The following WHAMM variants were observed in gnomAD, a reference collection of about 807,000 sequenced individuals.
WHAMM encodes the protein WASP homolog-associated protein with actin, membranes and microtubules.
Under a neutral mutation model 76.5 loss-of-function variants are expected in WHAMM, and 67 were observed. The ratio of observed to expected loss-of-function variants is 0.88; its 90% confidence interval spans 0.72 to 1.07. The LOEUF (loss-of-function observed/expected upper bound fraction) is 1.07. WHAMM is among the 50% of genes least tolerant of loss of function. WHAMM has a pLI of 0.00. For synonymous variants in WHAMM, 419 were observed against 422.1 expected (o/e 0.99, Z 0.09); for missense variants, 1,021 against 1,051.1 (o/e 0.97, Z 0.40).
At chr15:82,816,634 C>T in intron 2 of WHAMM, 58 bp from the exon 3 acceptor site, 2 of 1,468,712 alleles carry the variant, frequency 1.4e-6, no homozygotes, top group East Asian at 5.0e-5. Context: ...TTTCAATTTC[C>T]TAATGGCTCT....
At chr15:82,820,213 A>T (rs752061645) in intron 5 of WHAMM, among the ~76,000 whole-genome samples, 1 of 152,126 alleles carries the variant, frequency 6.6e-6, no homozygotes, top group Non-Finnish European at 1.5e-5. Context: ...GTTACATGAG[A>T]TATTTTGACA....
At chr15:82,820,652 T>G (rs2151564324) in intron 5 of WHAMM, among the ~76,000 whole-genome samples, 1 of 152,236 alleles carries the variant, frequency 6.6e-6, no homozygotes, top group South Asian at 2.1e-4. Flanking sequence ...TTCAGCACTT[T>G]GGGAGGCTGA....
chr15:82,823,244 G>A lies in WHAMM; in HGVS notation c.1415G>A (p.Arg472Gln), dbSNP rs763774688. Residue 472 changes from arginine (R) to glutamine (Q), a missense_variant, in exon 6 of 10, where the codon CGG (arginine) becomes CAG (glutamine). Physicochemically the swap from Arg to Gln is conservative, Grantham distance 43. Coordinates refer to ENST00000286760, the MANE Select transcript of WHAMM (RefSeq NM_001080435.3). ...CAGTGCCAGCAGCTGGAGTCTAAAC[G>A]GGGCAGGATCTGTGCCAAAAGAGCC... ...RRQCQQLESK[R>Q]GRICAKRASL... 15 of 1,579,412 alleles carry A rather than the reference G, an allele frequency of 9.5e-6. No homozygotes were observed. Among genetic ancestry groups the A allele is most frequent in the African/African-American group, 1.4e-5 (1 of 73,956 alleles).
intron 6 of WHAMM, among the ~76,000 whole-genome samples, 171 bp downstream of exon 6, chr15:82,823,458 A>G (rs554309827): frequency 1.3e-4 from 20 of 152,196 alleles, no homozygotes; most frequent in Non-Finnish European, 2.6e-4. Flanking sequence ...TTTCTTAAAA[A>G]TATTTTTTTT....
In WHAMM at chr15:82,830,648, C is replaced by G. The variant is rs2151573400; in HGVS notation, c.1691C>G (p.Ala564Gly). 6.2e-7 allele frequency: 1 copy of G among 1,613,944 alleles called. No homozygotes were observed. The highest frequency in any genetic ancestry group is 2.2e-5 in the East Asian group (1 of 44,882). Reference sequence around the variant, plus strand: ...AACACCTCTGGCTCAGAACCTGTGGCTCCAAACCTGCCAAGTGATCTTTCC... The same window carrying G: ...AACACCTCTGGCTCAGAACCTGTGGGTCCAAACCTGCCAAGTGATCTTTCC... ...VRNTSGSEPVAPNLPSDLSQQ... is the reference protein window; with the variant it reads ...VRNTSGSEPVGPNLPSDLSQQ... The change falls in exon 9 of 10, where the codon GCT becomes GGT. Residue 564 changes from alanine (A) to glycine (G), a missense_variant. By Grantham distance (60) the Ala-to-Gly change is moderately conservative. Around this residue, in one of 3 missense-constraint regions of WHAMM, gnomAD observed 509 missense variants for 492.3 expected, o/e 1.03. Coordinates refer to ENST00000286760, the MANE Select transcript of WHAMM (RefSeq NM_001080435.3).
intron 6 of WHAMM, among the ~76,000 whole-genome samples, chr15:82,824,614 C>T (rs1242030858): frequency 6.6e-6 from 1 of 151,466 alleles, no homozygotes; most frequent in Non-Finnish European, 1.5e-5. Flanking sequence ...AGTCACAGCG[C>T]CTGGCCACAC....
chr15:82,810,507 C>G (rs2050610274), intron 1 of WHAMM, 172 bp downstream of exon 1: 1 of 985,294 alleles, frequency 1.0e-6, no homozygotes, highest in African/African-American at 1.7e-5. Context: ...CTGCGGGAAA[C>G]CGGCGGGAGC....
At position 82,829,525 on chromosome 15, in the gene WHAMM, G is replaced by A. The variant is rs1470155961; in HGVS notation, c.1642-1074G>A. ...GCATGGTCTCTGACAGAAGGCTGCAGGACGGCAGCTGCATGGCTGTGTCTG... is the reference window on the plus strand; with the variant it reads ...GCATGGTCTCTGACAGAAGGCTGCAAGACGGCAGCTGCATGGCTGTGTCTG... On this transcript the variant is annotated intron_variant, in intron 8 of 9. Coordinates refer to ENST00000286760, the MANE Select transcript of WHAMM (RefSeq NM_001080435.3). Among the ~76,000 whole-genome samples the A allele has an allele frequency of 2.6e-5, 4 of 152,246 alleles. No homozygotes were observed. In the South Asian group the frequency reaches 8.3e-4, roughly 31 times the overall value.
In WHAMM at chr15:82,826,478, G is replaced by A. The variant is rs868664083; in HGVS notation, c.1527G>A (p.Gln509=). The change falls in exon 7 of 10, where the codon CAG becomes CAA. Residue 509 remains glutamine, a synonymous_variant. Transcript: ENST00000286760. ...QAEESIRYSR[Q]HHSIQMKRDK... ...AAGAAAGCATAAGATACTCTCGTCA[G>A]CATCACAGTATTCAGATGGTGAGTC... The A allele has an allele frequency of 1.9e-6, 3 of 1,613,694 alleles. No homozygotes were observed. The Middle Eastern group carries it at 4.9e-4, about 266-fold the overall frequency.
At chr15:82,813,021 G>C (rs142835761) in intron 1 of WHAMM, 82 bp from the exon 2 acceptor site, 25,532 of 1,071,292 alleles carry the variant, frequency 0.024, 375 homozygotes, top group Non-Finnish European at 0.027. Context: ...GAACATGAAG[G>C]TTTCTTTTGT....
In WHAMM at chr15:82,810,191, G is replaced by A; in HGVS notation, c.465G>A (p.Ala155=). Residue 155 remains alanine (A), a synonymous_variant, in exon 1 of 10, where the codon GCG becomes GCA. Coordinates refer to ENST00000286760, the MANE Select transcript of WHAMM (RefSeq NM_001080435.3). ...GGCAGCTGGAACGCTATCTGGGCGC[G>A]GCGGCCGACGGCTGCGGCGGCGCCA... is the stretch of plus-strand genomic sequence containing the variant. ...LCGQLERYLG[A]AADGCGGATV... The A allele has an allele frequency of 7.1e-7, 1 of 1,404,556 alleles. No individual in the cohort carries two copies. The highest frequency in any genetic ancestry group is 3.3e-5 in the East Asian group (1 of 30,224). 87.0% of individuals were successfully genotyped at this position (1,404,556 alleles called of 1,614,324 possible). A position where few individuals can be genotyped will look rare whatever the true frequency, so the allele number is the denominator to read the frequency against.
intron 9 of WHAMM, among the ~76,000 whole-genome samples, chr15:82,831,924 T>G (rs745945391): frequency 3.9e-5 from 6 of 152,236 alleles, no homozygotes; most frequent in Non-Finnish European, 7.3e-5. Context: ...AGTTCCAAAC[T>G]GTGATTCTGG....
chr15:82,827,431 T>C (rs1438121331), intron 8 of WHAMM, among the ~76,000 whole-genome samples: 1 of 152,202 alleles, frequency 6.6e-6, no homozygotes, highest in East Asian at 1.9e-4. Flanking sequence ...ATTTGTTGAC[T>C]TTATTATTAG....
chr15:82,823,109 AT>A lies in WHAMM; in HGVS notation c.1281del (p.Asp427GlufsTer32). The A allele has an allele frequency of 3.7e-6, 5 of 1,344,430 alleles. No homozygotes were observed. The highest frequency in any genetic ancestry group is 4.8e-6 in the Non-Finnish European group (5 of 1,035,022). The allele number at this position is 1,344,430 out of a possible 1,614,324, so 83.3% of individuals were successfully genotyped here. A position where few individuals can be genotyped will look rare whatever the true frequency, so the allele number is the denominator to read the frequency against. The stretch of plus-strand genomic sequence containing the variant: ...ATTAATACATTTTTAGAAAAACAAG[AT>A]GAAGTTGTCTATTACGATCCATGTG... ...SLKRLIKEKQ[D>X]EVVYYDPCEN... On this transcript the variant is annotated frameshift_variant, in exon 6 of 10. Transcript: ENST00000286760. LOFTEE classifies it high-confidence loss of function.
intron 8 of WHAMM, 106 bp from the exon 9 acceptor site, chr15:82,830,493 A>G (rs967824597): frequency 2.0e-6 from 3 of 1,483,126 alleles, no homozygotes; most frequent in Non-Finnish European, 2.7e-6. Flanking sequence ...TGTGAATTAG[A>G]CCATCCATGC....
chr15:82,815,343 T>C (rs1202711732), intron 2 of WHAMM, among the ~76,000 whole-genome samples: 3 of 151,854 alleles, frequency 2.0e-5, no homozygotes, highest in Admixed American at 6.6e-5. Flanking sequence ...TTATTCAATA[T>C]GTGGTCCTTT....
rs2051069563 is a variant in WHAMM, at chr15:82,833,387, G to T, written c.2281G>T (p.Gly761Cys). 1 of 1,613,854 alleles carries T rather than the reference G, an allele frequency of 6.2e-7. No individual in the cohort carries two copies. The highest frequency in any genetic ancestry group is 1.1e-5 in the South Asian group (1 of 91,076). ...ACTGAAGAAAGTTCACCCTGATCTTGGCCCAAACCCCAGCAGCAAACCAAC... is the reference window on the plus strand; with the variant it reads ...ACTGAAGAAAGTTCACCCTGATCTTTGCCCAAACCCCAGCAGCAAACCAAC... The part of the protein sequence containing the change: ...VKLKKVHPDL[G>C]PNPSSKPTSN... The change falls in exon 10 of 10, where the codon GGC becomes TGC. Residue 761 changes from glycine to cysteine, a missense_variant. By Grantham distance (159) the Gly-to-Cys change is radical. Transcript: ENST00000286760.
chr15:82,823,227 G>C lies in WHAMM; in HGVS notation c.1398G>C (p.Gln466His). ...TGAAAGAACTCAGAAGGCAGTGCCA[G>C]CAGCTGGAGTCTAAACGGGGCAGGA... The part of the protein sequence containing the change: ...LEVKELRRQC[Q>H]QLESKRGRIC... The change falls in exon 6 of 10, where the codon CAG becomes CAC. Residue 466 changes from glutamine (Q) to histidine (H), a missense_variant. Gln to His is a conservative substitution (Grantham distance 24). Around this residue, in one of 3 missense-constraint regions of WHAMM, gnomAD observed 509 missense variants for 492.3 expected, o/e 1.03. Transcript: ENST00000286760. 1 of 1,586,256 alleles carries C rather than the reference G, an allele frequency of 6.3e-7. No homozygotes were observed. Among genetic ancestry groups the C allele is most frequent in the Admixed American group, 1.7e-5 (1 of 58,370 alleles).
intron 5 of WHAMM, among the ~76,000 whole-genome samples, chr15:82,822,658 GA>G (rs1165387749): frequency 6.6e-6 from 1 of 152,174 alleles, no homozygotes; most frequent in Non-Finnish European, 1.5e-5. Flanking sequence ...GGCTGGTCTT[GA>G]ACTCCTGACC....
Sources: allele counts gnomAD v4.1 joint callset (sites outside exome capture counted in the v4.1 genomes callset), GRCh38; gene constraint gnomAD v4.1.1; regional missense constraint gnomAD v4.1.1; transcripts MANE v1.5; gene names NCBI Gene and HGNC (gene_info 2026-07-23, HGNC 2026-07-21).